The following AKAP8 variants were observed in gnomAD, a reference collection of about 807,000 sequenced individuals.
AKAP8 encodes A-kinase anchoring protein 8.
AKAP8 carries 24 observed loss-of-function variants against 67.5 expected under a neutral mutation model. The ratio of observed to expected loss-of-function variants is 0.36; its 90% CI spans 0.26 to 0.50. The LOEUF (loss-of-function observed/expected upper bound fraction) is 0.50. Among genes scored for constraint, AKAP8 ranks in the 20% least tolerant of loss-of-function variants. AKAP8 has a pLI of 0.97. For missense variants in AKAP8, 971 were observed against 955.9 expected, an observed-to-expected ratio of 1.02 and a Z score of -0.21; for synonymous variants, 400 against 371.1, an observed-to-expected ratio of 1.08 and a Z score of -0.90.
intron 1 of AKAP8, chr19:15,379,352 A>G: frequency 3.6e-6 from 1 of 278,378 alleles, no homozygotes; most frequent in Non-Finnish European, 6.7e-6. Flanking sequence ...TCTTCGGAAG[A>G]GGAAGCCGGG....
chr19:15,373,729 T>G (rs1967202658), intron 4 of AKAP8, 57 bp downstream of exon 4: 6 of 1,541,446 alleles, frequency 3.9e-6, no homozygotes, highest in Non-Finnish European at 5.2e-6. Context: ...CCCACTCCCA[T>G]GCGCACAAAG....
rs754072342 is a variant in AKAP8 at position 15,379,693 on chromosome 19, A to G, written c.19+20T>C. 1 of 1,607,374 alleles carries G rather than the reference A, an allele frequency of 6.2e-7. No individual in the cohort carries two copies. Among genetic ancestry groups the G allele is most frequent in the South Asian group, 1.1e-5 (1 of 90,064 alleles). ...ACAGAGCCTTCCCTCCCCGCTCCGC[A>G]CCCAGCAGCCAACACAAACCTCCGT... On this transcript the variant is annotated intron_variant, in intron 1 of 13. Coordinates refer to ENST00000269701, the MANE Select transcript of AKAP8 (RefSeq NM_005858.4).
At chr19:15,363,461 C>T (rs1967012464) in intron 9 of AKAP8, among the ~76,000 whole-genome samples, 1 of 148,732 alleles carries the variant, frequency 6.7e-6, no homozygotes, top group Non-Finnish European at 1.5e-5. Context: ...GCCCGGCCAG[C>T]CGCCCCGTCC....
intron 13 of AKAP8, among the ~76,000 whole-genome samples, chr19:15,356,483 T>C (rs1310900777): frequency 2.0e-5 from 3 of 151,280 alleles, no homozygotes; most frequent in Admixed American, 2.0e-4. Flanking sequence ...TTTAGTTTCA[T>C]TAAGGTACAG....
At chr19:15,365,070 C>T (rs1008491575) in intron 9 of AKAP8, among the ~76,000 whole-genome samples, 1 of 152,208 alleles carries the variant, frequency 6.6e-6, no homozygotes, top group African/African-American at 2.4e-5. Flanking sequence ...ACTGCAGCCC[C>T]TCTGGCCCCA....
At chr19:15,370,974 C>T (rs1369802309) in intron 7 of AKAP8, among the ~76,000 whole-genome samples, 3 of 152,142 alleles carry the variant, frequency 2.0e-5, no homozygotes, top group African/African-American at 7.2e-5. Flanking sequence ...TAGATAAAAA[C>T]GATTCAACTG....
chr19:15,363,093 T>C (rs1016305474), intron 9 of AKAP8, among the ~76,000 whole-genome samples: 14 of 147,300 alleles, frequency 9.5e-5, no homozygotes, highest in Non-Finnish European at 1.8e-4. Context: ...AACCGCCCCG[T>C]CTGAGAAGTG....
chr19:15,362,639 C>T (rs1401003734), intron 9 of AKAP8, among the ~76,000 whole-genome samples: 165 of 143,680 alleles, frequency 1.1e-3, no homozygotes, highest in African/African-American at 4.0e-3. Context: ...GGATTGCAGA[C>T]GGAGTCTCGT....
At chr19:15,359,700 C>CT (rs1326537489) in intron 12 of AKAP8, among the ~76,000 whole-genome samples, 5 of 151,600 alleles carry the variant, frequency 3.3e-5, no homozygotes, top group Non-Finnish European at 7.4e-5. Context: ...GAGTGAGACT[C>CT]TGTCTCAAAA....
At chr19:15,362,024 G>A (rs988447625) in intron 10 of AKAP8, 86 bp downstream of exon 10, 44 of 1,552,836 alleles carry the variant, frequency 2.8e-5, no homozygotes, top group Non-Finnish European at 3.7e-5. Context: ...GCCAAGTATA[G>A]CCTCTGATTT....
chr19:15,378,505 A>G, intron 1 of AKAP8, among the ~76,000 whole-genome samples: 1 of 152,344 alleles, frequency 6.6e-6, no homozygotes, highest in Non-Finnish European at 1.5e-5. Context: ...AAAAGATCTG[A>G]TGGGAAAGAA....
intron 2 of AKAP8, among the ~76,000 whole-genome samples, chr19:15,375,140 T>C (rs1463486249): frequency 1.3e-5 from 2 of 152,194 alleles, no homozygotes; most frequent in Admixed American, 1.3e-4. Context: ...CCACTCCCCA[T>C]GTTGCCTGAG....
chr19:15,354,197 A>G lies in AKAP8; in HGVS notation c.*718T>C, dbSNP rs930003144. 6.6e-6 allele frequency: 1 copy of G among 152,042 alleles called. No individual in the cohort carries two copies. The highest frequency in any genetic ancestry group is 1.5e-5 in the Non-Finnish European group (1 of 67,994). The allele number at this position is 152,042 out of a possible 1,614,324, so 9.4% of individuals were successfully genotyped here. On this transcript the variant is annotated 3_prime_UTR_variant, in exon 14 of 14. Transcript: ENST00000269701. ...GAGTGGTAGTAACTAATTTTAAAGGAAAAAAACCTGAAGTAATCTAGAGGT... is the reference window on the plus strand; with the variant it reads ...GAGTGGTAGTAACTAATTTTAAAGGGAAAAAACCTGAAGTAATCTAGAGGT...
chr19:15,362,312 C>A (rs1046351558), intron 9 of AKAP8, 61 bp from the exon 10 acceptor site: 69 of 1,585,540 alleles, frequency 4.4e-5, no homozygotes, highest in Non-Finnish European at 5.4e-5. Flanking sequence ...AAGCAGGGGG[C>A]ATCAGCTCAC....
Position 15,355,109 on chromosome 19 carries a change from C to T in AKAP8, c.1885G>A (p.Val629Met), listed in dbSNP as rs2048268791. The T allele has an allele frequency of 6.2e-7, 1 of 1,613,726 alleles. No homozygotes were observed. The highest frequency in any genetic ancestry group is 1.3e-5 in the African/African-American group (1 of 74,928). Reference protein sequence around the residue: ...PQAEQLLEEQVPCGTAHEKGV... With the variant: ...PQAEQLLEEQMPCGTAHEKGV... ...TTCTCATGTGCCGTTCCACAGGGCA[C>T]CTGCTCTTCCAGCAGCTGTTCGGCT... Residue 629 changes from valine to methionine, a missense_variant, in exon 14 of 14, where the codon GTG (valine) becomes ATG (methionine). Physicochemically the swap from Val to Met is conservative, Grantham distance 21. Around this residue, in one of 3 missense-constraint regions of AKAP8, gnomAD observed 204 missense variants for 193.0 expected, o/e 1.06. Transcript: ENST00000269701.
At chr19:15,360,520 T>C (rs1243749376) in intron 12 of AKAP8, among the ~76,000 whole-genome samples, 5 of 152,194 alleles carry the variant, frequency 3.3e-5, no homozygotes, top group Admixed American at 2.6e-4. Context: ...ACCAGTCCTT[T>C]AGTCCAAGTC....
chr19:15,375,612 T>C (rs779752956), intron 2 of AKAP8, among the ~76,000 whole-genome samples: 1 of 151,030 alleles, frequency 6.6e-6, no homozygotes, highest in African/African-American at 2.4e-5. Context: ...TTGTAACAAA[T>C]GCATCACACC....
chr19:15,374,472 C>T (rs111926344), intron 3 of AKAP8, 131 bp downstream of exon 3: 14 of 1,122,946 alleles, frequency 1.2e-5, no homozygotes, highest in Admixed American at 5.1e-5. Flanking sequence ...CAACAGCAGC[C>T]GTGGCTGACT....
At chr19:15,355,663 G>T (rs536352944) in intron 13 of AKAP8, among the ~76,000 whole-genome samples, 2 of 151,592 alleles carry the variant, frequency 1.3e-5, no homozygotes, top group Non-Finnish European at 2.9e-5. Context: ...TTTTAGTAGA[G>T]ATGGGGTTTC....
Sources: allele counts gnomAD v4.1 joint callset (sites outside exome capture counted in the v4.1 genomes callset), GRCh38; gene constraint gnomAD v4.1.1; regional missense constraint gnomAD v4.1.1; transcripts MANE v1.5; gene names NCBI Gene and HGNC (gene_info 2026-07-23, HGNC 2026-07-21).